Variants in TRUB2 observed in about 807,000 individuals in gnomAD.
The protein encoded by TRUB2 is TruB pseudouridine synthase family member 2.
Under a neutral mutation model 31.9 loss-of-function variants are expected in TRUB2, and 31 were observed. That is an observed-to-expected ratio of 0.97 (90% CI 0.73 to 1.31). The LOEUF is 1.31. Ranked by LOEUF, TRUB2 falls within the 50% of genes most tolerant of loss-of-function variation. The pLI is 0.00. For synonymous variants in TRUB2, 201 were observed against 182.6 expected (o/e 1.10, Z -0.81); for missense variants, 451 against 439.6 (o/e 1.03, Z -0.23).
In TRUB2 at chr9:128,308,349, C is replaced by G. The variant is rs780901241; in HGVS notation, c.*1201G>C. ...GAGATTGAGACCATCCTGGCTAACA[C>G]GGTGCAACACCGTCTCTACTAAAAA... On this transcript the variant is annotated 3_prime_UTR_variant, in exon 8 of 8. Coordinates refer to ENST00000372890, the MANE Select transcript of TRUB2 (RefSeq NM_015679.3). 1 of 151,530 alleles carries G rather than the reference C, an allele frequency of 6.6e-6. No homozygotes were observed. The highest frequency in any genetic ancestry group is 2.4e-5 in the African/African-American group (1 of 41,174). The allele number at this position is 151,530 out of a possible 1,614,324, so 9.4% of individuals were successfully genotyped here.
rs977283176 is a variant in TRUB2 at position 128,308,573 on chromosome 9, C to CA, written c.*976dup. 1.8e-4 allele frequency: 27 copies of CA among 151,918 alleles called. No homozygotes were observed. The highest frequency in any genetic ancestry group is 5.3e-4 in the African/African-American group (22 of 41,402). 9.4% of individuals were successfully genotyped at this position (151,918 alleles called of 1,614,324 possible). On this transcript the variant is annotated 3_prime_UTR_variant, in exon 8 of 8. Transcript: ENST00000372890. The stretch of plus-strand genomic sequence containing the variant: ...AAAAATGATTAACATTTCAATCAGT[C>CA]AATGGGTAGACTTTGAGTCACGCTG...
At position 128,305,966 on chromosome 9, in the gene TRUB2, G is replaced by A. The variant is rs1328218009; in HGVS notation, c.*3584C>T. ...TCCTGTGTGGGGATCGCAAAGTGCTGGGATTACAGGCATGAGCCGCCACAC... is the reference window on the plus strand; with the variant it reads ...TCCTGTGTGGGGATCGCAAAGTGCTAGGATTACAGGCATGAGCCGCCACAC... On this transcript the variant is annotated 3_prime_UTR_variant, in exon 8 of 8. Coordinates refer to ENST00000372890, the MANE Select transcript of TRUB2 (RefSeq NM_015679.3). 6.6e-6 allele frequency: 1 copy of A among 152,138 alleles called. No individual in the cohort carries two copies. The highest frequency in any genetic ancestry group is 1.5e-5 in the Non-Finnish European group (1 of 68,042). 9.4% of individuals were successfully genotyped at this position (152,138 alleles called of 1,614,324 possible).
intron 5 of TRUB2, among the ~76,000 whole-genome samples, chr9:128,313,487 G>A (rs1309817651): frequency 2.8e-5 from 4 of 141,648 alleles, no homozygotes; most frequent in Non-Finnish European, 4.5e-5. Context: ...AGCGAGCTGA[G>A]ATCGTGCCAC....
chr9:128,320,151 C>T lies in TRUB2; in HGVS notation c.241+1448G>A, dbSNP rs534307286. ...CAGGATGGTCTCGATTTCCTGACCT[C>T]GTGATCCGCCCACCTCAGCCTCTTT... On this transcript the variant is annotated intron_variant, in intron 2 of 7. Coordinates refer to ENST00000372890, the MANE Select transcript of TRUB2 (RefSeq NM_015679.3). 4.0e-4 allele frequency among the ~76,000 whole-genome samples: 60 copies of T among 150,164 alleles called. 1 individual carries two copies. The highest frequency in any genetic ancestry group is 2.1e-4 in the South Asian group (1 of 4,724).
chr9:128,312,895 AG>A (rs1317003132), intron 5 of TRUB2, among the ~76,000 whole-genome samples: 1 of 149,796 alleles, frequency 6.7e-6, no homozygotes, highest in East Asian at 2.2e-4. Flanking sequence ...TACAGGCGTG[AG>A]CCACTGCGCC....
At chr9:128,318,635 C>T (rs753614546) in intron 2 of TRUB2, among the ~76,000 whole-genome samples, 1 of 151,884 alleles carries the variant, frequency 6.6e-6, no homozygotes, top group Admixed American at 6.6e-5. Flanking sequence ...CAGATTCAAG[C>T]GATTCTCATG....
chr9:128,315,672 C>T (rs369036258), intron 3 of TRUB2, 44 bp from the exon 4 acceptor site: 5 of 1,597,408 alleles, frequency 3.1e-6, no homozygotes, highest in Non-Finnish European at 4.3e-6. Context: ...ACCCCCTTCC[C>T]ATTCCCCTAA....
intron 4 of TRUB2, among the ~76,000 whole-genome samples, chr9:128,314,751 T>A (rs1231440543): frequency 6.6e-6 from 1 of 152,028 alleles, no homozygotes; most frequent in Non-Finnish European, 1.5e-5. Context: ...TTTAAAAAAA[T>A]TTTGTAAATA....
chr9:128,321,802 C>A, intron 1 of TRUB2, 72 bp from the exon 2 acceptor site: 1 of 1,481,044 alleles, frequency 6.8e-7, no homozygotes, highest in South Asian at 1.2e-5. Flanking sequence ...TTTTAAGAGA[C>A]AGGGCCTCGT....
intron 4 of TRUB2, among the ~76,000 whole-genome samples, chr9:128,314,907 G>A (rs1832041141): frequency 6.6e-6 from 1 of 152,118 alleles, no homozygotes; most frequent in African/African-American, 2.4e-5. Context: ...TGAGGAAACT[G>A]AGGCACACAG....
intron 5 of TRUB2, among the ~76,000 whole-genome samples, chr9:128,312,610 T>C (rs1004507375): frequency 1.4e-5 from 2 of 148,088 alleles, no homozygotes; most frequent in Admixed American, 1.3e-4. Context: ...TTTTGTATTA[T>C]TATTATTTTT....
chr9:128,313,528 T>C (rs1259716660), intron 5 of TRUB2, among the ~76,000 whole-genome samples: 1 of 117,522 alleles, frequency 8.5e-6, no homozygotes, highest in Non-Finnish European at 1.6e-5. Context: ...AGAGCGAGAC[T>C]CCGTCTCAAA....
In TRUB2 at chr9:128,307,296, C is replaced by G. The variant is rs963045222; in HGVS notation, c.*2254G>C. The G allele has an allele frequency of 6.6e-6, 1 of 151,972 alleles. No homozygotes were observed. Among genetic ancestry groups the G allele is most frequent in the African/African-American group, 2.4e-5 (1 of 41,352 alleles). The allele number at this position is 151,972 out of a possible 1,614,324, so 9.4% of individuals were successfully genotyped here. A position where few individuals can be genotyped will look rare whatever the true frequency, so the allele number is the denominator to read the frequency against. On this transcript the variant is annotated 3_prime_UTR_variant, in exon 8 of 8. Transcript: ENST00000372890. ...AAATTAGCTGGAAAAAAATATTTAGCCAGGCATCGTGGTGCACGCCTGTAG... is the reference window on the plus strand; with the variant it reads ...AAATTAGCTGGAAAAAAATATTTAGGCAGGCATCGTGGTGCACGCCTGTAG...
chr9:128,309,520 C>T lies in TRUB2; in HGVS notation c.*30G>A. 1 of 1,585,902 alleles carries T rather than the reference C, an allele frequency of 6.3e-7. No homozygotes were observed. The highest frequency in any genetic ancestry group is 2.3e-5 in the East Asian group (1 of 44,414). ...GCTCATAGCAGTTCTTCTATTTATC[C>T]ATCCACTGCCCCAGGAGCTGCCTGG... On this transcript the variant is annotated 3_prime_UTR_variant, in exon 8 of 8. Coordinates refer to ENST00000372890, the MANE Select transcript of TRUB2 (RefSeq NM_015679.3).
In TRUB2 at chr9:128,309,649, G is replaced by C. The variant is rs751735027; in HGVS notation, c.897C>G (p.Ser299Arg). The C allele has an allele frequency of 6.2e-7, 1 of 1,614,188 alleles. No individual in the cohort carries two copies. Among genetic ancestry groups the C allele is most frequent in the South Asian group, 1.1e-5 (1 of 91,090 alleles). The stretch of plus-strand genomic sequence containing the variant: ...GGAGCTGCTTGGTGTCCAGCCCCGG[G>C]CTCAAGCTCTTCTCCAGCTCTGCAG... ...QVAAELEKSL[S>R]PGLDTKQLPS... Residue 299 changes from serine to arginine, a missense_variant, in exon 8 of 8, where the codon AGC becomes AGG. Ser to Arg is a moderately radical substitution (Grantham distance 110). Transcript: ENST00000372890.
At chr9:128,311,277 G>A in intron 6 of TRUB2, 1 of 623,706 alleles carries the variant, frequency 1.6e-6, no homozygotes. Context: ...TGTGGTCCCT[G>A]GTTTCCTTGC....
In TRUB2 at chr9:128,309,828, G is replaced by A; in HGVS notation, c.718C>T (p.His240Tyr). The A allele has an allele frequency of 1.2e-6, 2 of 1,614,230 alleles. No homozygotes were observed. Among genetic ancestry groups the A allele is most frequent in the Non-Finnish European group, 1.7e-6 (2 of 1,180,040 alleles). Residue 240 changes from histidine (H) to tyrosine (Y), a missense_variant, in exon 8 of 8, where the codon CAT (histidine) becomes TAT (tyrosine). Physicochemically the swap from His to Tyr is moderately conservative, Grantham distance 83. Coordinates refer to ENST00000372890, the MANE Select transcript of TRUB2 (RefSeq NM_015679.3). ...GTCTTTAGTTCCAGGCCGATTTCAT[G>A]AACCAACTTCCGCAGCTCTTTCTGC... ...ETQKELRKLV[H>Y]EIGLELKTTA...
chr9:128,313,495 C>T (rs1221202485), intron 5 of TRUB2, among the ~76,000 whole-genome samples: 5 of 145,332 alleles, frequency 3.4e-5, no homozygotes, highest in Non-Finnish European at 6.0e-5. Flanking sequence ...GAGATCGTGC[C>T]ACTGCACTCC....
rs1185282684 is a variant in TRUB2 at position 128,309,795 on chromosome 9, C to T, written c.751G>A (p.Val251Ile). The T allele has an allele frequency of 2.5e-6, 4 of 1,614,260 alleles. No homozygotes were observed. The highest frequency in any genetic ancestry group is 3.4e-6 in the Non-Finnish European group (4 of 1,180,050). The change falls in exon 8 of 8, where the codon GTC (valine) becomes ATC (isoleucine). Residue 251 changes from valine (V) to isoleucine (I), a missense_variant. Transcript: ENST00000372890. Reference sequence around the variant, plus strand: ...CGCGTGCGCCGCACTTGGGTGCAGACAGCAGTGGTCTTTAGTTCCAGGCCG... The same window carrying T: ...CGCGTGCGCCGCACTTGGGTGCAGATAGCAGTGGTCTTTAGTTCCAGGCCG... ...EIGLELKTTAVCTQVRRTRDG... is the reference protein window; with the variant it reads ...EIGLELKTTAICTQVRRTRDG...
Sources: gnomAD v4.1 joint callset for allele counts (sites outside exome capture counted in the v4.1 genomes callset) on GRCh38, gnomAD v4.1.1 for gene constraint, MANE v1.5 for transcripts, NCBI Gene and HGNC (gene_info 2026-07-23, HGNC 2026-07-21) for gene names.